Variants in RTL4 observed in about 807,000 individuals in gnomAD.
RTL4 encodes retrotransposon Gag like 4.
In RTL4, 4 loss-of-function variants were observed where a neutral mutation model predicts 5.3. The observed-to-expected ratio is 0.75, with a 90% CI of 0.37 to 1.72. RTL4 has a LOEUF of 1.72. Among genes scored for constraint, RTL4 ranks in the 40% most tolerant of loss-of-function variants. The pLI, the probability that RTL4 is intolerant of heterozygous loss-of-function variation, is 0.04. For synonymous variants in RTL4, 98 were observed against 87.3 expected (o/e 1.12, Z -0.68); for missense variants, 260 against 227.1 (o/e 1.14, Z -0.93).
the RTL4 span, among the ~76,000 whole-genome samples, chrX:112,251,652 G>A: frequency 9.0e-6 from 1 of 110,929 alleles, no homozygotes; most frequent in African/African-American, 3.3e-5. Context: ...GTGTGTGTGA[G>A]CATGCATGTG....
the RTL4 span, among the ~76,000 whole-genome samples, chrX:112,281,736 T>C: frequency 2.6e-3 from 291 of 111,864 alleles, 5 homozygotes; most frequent in East Asian, 0.023. Flanking sequence ...ATTTCTCCAA[T>C]TATTACTGAT....
the RTL4 span, among the ~76,000 whole-genome samples, chrX:112,227,382 A>G: frequency 9.0e-6 from 1 of 111,555 alleles, no homozygotes; most frequent in Non-Finnish European, 1.9e-5. Context: ...GCCAGCCTCA[A>G]TGGGCTGTCA....
At chrX:112,232,014 G>A in the RTL4 span, among the ~76,000 whole-genome samples, 1 of 112,185 alleles carries the variant, frequency 8.9e-6, no homozygotes, top group Non-Finnish European at 1.9e-5. Flanking sequence ...AGACATATTA[G>A]TGACAACAAC....
chrX:112,180,692 C>T, the RTL4 span, among the ~76,000 whole-genome samples: 1 of 111,841 alleles, frequency 8.9e-6, no homozygotes, highest in Non-Finnish European at 1.9e-5. Context: ...GTCTCATTCT[C>T]CTTAAATATA....
chrX:112,158,631 G>T, the RTL4 span, among the ~76,000 whole-genome samples: 1 of 110,739 alleles, frequency 9.0e-6, no homozygotes, highest in Non-Finnish European at 1.9e-5. Context: ...ACATTTCCAT[G>T]TCATTATGCA....
the RTL4 span, among the ~76,000 whole-genome samples, chrX:112,402,506 C>T: frequency 2.8e-5 from 3 of 108,960 alleles, no homozygotes; most frequent in East Asian, 8.8e-4. Flanking sequence ...CTGAAATTCA[C>T]TTGTGCTTTC....
At chrX:112,110,110 A>G in the RTL4 span, among the ~76,000 whole-genome samples, 1 of 112,106 alleles carries the variant, frequency 8.9e-6, no homozygotes, top group Non-Finnish European at 1.9e-5. Context: ...AGAGGGTGGT[A>G]TAAGAGTTTG....
At chrX:112,353,559 C>G in the RTL4 span, among the ~76,000 whole-genome samples, 11 of 110,799 alleles carry the variant, frequency 9.9e-5, no homozygotes, top group Admixed American at 1.1e-3. Flanking sequence ...TGGAAACCAT[C>G]ATTCTCAGCA....
At chrX:112,235,341 A>T in the RTL4 span, among the ~76,000 whole-genome samples, 2 of 111,736 alleles carry the variant, frequency 1.8e-5, no homozygotes, top group South Asian at 7.6e-4. Flanking sequence ...CTACTTAATA[A>T]GGGGTAATGG....
chrX:112,251,580 T>G, the RTL4 span, among the ~76,000 whole-genome samples: 2 of 111,711 alleles, frequency 1.8e-5, no homozygotes, highest in Non-Finnish European at 3.8e-5. Flanking sequence ...TATATCAGGG[T>G]AATTTTGTCT....
chrX:112,197,934 T>C, the RTL4 span, among the ~76,000 whole-genome samples: 2 of 111,883 alleles, frequency 1.8e-5, no homozygotes, highest in African/African-American at 6.5e-5. Flanking sequence ...ATTTTTATGA[T>C]CTTTTTCTTC....
At chrX:112,152,638 C>T in the RTL4 span, among the ~76,000 whole-genome samples, 1 of 111,992 alleles carries the variant, frequency 8.9e-6, no homozygotes. Flanking sequence ...GGTAGTAGTC[C>T]CGTTAAAGAA....
chrX:112,271,607 A>G, the RTL4 span, among the ~76,000 whole-genome samples: 1 of 112,213 alleles, frequency 8.9e-6, no homozygotes, highest in East Asian at 2.8e-4. Flanking sequence ...AGTTTATAAT[A>G]TTGTTTTAGA....
chrX:112,290,870 T>G, the RTL4 span, among the ~76,000 whole-genome samples: 1 of 112,185 alleles, frequency 8.9e-6, no homozygotes, highest in African/African-American at 3.2e-5. Context: ...AACCTTGTTT[T>G]TTGGGAGAAG....
chrX:112,363,972 C>T, the RTL4 span, among the ~76,000 whole-genome samples: 1 of 111,248 alleles, frequency 9.0e-6, no homozygotes, highest in African/African-American at 3.3e-5. Flanking sequence ...TTTAGTTAAC[C>T]ATTATAGAAG....
At chrX:112,455,482 C>G (rs765750745) in exon 1 of RTL4, 1 of 1,209,334 alleles carries the variant, frequency 8.3e-7, no homozygotes, top group Non-Finnish European at 1.1e-6. Flanking sequence ...AGATCCACCA[C>G]CCAAGAAAGG....
At chrX:112,401,248 CCCCTTGTTTTTTGTAATTA>C in the RTL4 span, among the ~76,000 whole-genome samples, 1 of 111,056 alleles carries the variant, frequency 9.0e-6, no homozygotes, top group African/African-American at 3.3e-5. Flanking sequence ...TCTTGATTAT[CCCCTTGTTTTTTGTAATTA>C]CCCTTCCTCC....
At chrX:112,345,794 C>A in the RTL4 span, among the ~76,000 whole-genome samples, 1 of 111,465 alleles carries the variant, frequency 9.0e-6, no homozygotes, top group African/African-American at 3.3e-5. Flanking sequence ...CAGCCACAGG[C>A]CCACCATCCC....
the RTL4 span, among the ~76,000 whole-genome samples, chrX:112,186,781 AGTACCTG>A: frequency 8.9e-6 from 1 of 112,012 alleles, no homozygotes. Flanking sequence ...CTCCAACAGA[AGTACCTG>A]CCTTTACTGA....
Sources: allele counts gnomAD v4.1 joint callset (sites outside exome capture counted in the v4.1 genomes callset), GRCh38; gene constraint gnomAD v4.1.1; transcripts MANE v1.5; gene names NCBI Gene and HGNC (gene_info 2026-07-23, HGNC 2026-07-21).